Variants in ANK2 observed in about 807,000 individuals in gnomAD.
ANK2 encodes ankyrin 2, also known as ankyrin-2.
Under a neutral mutation model 360.5 loss-of-function variants are expected in ANK2, and 83 were observed. That is an observed-to-expected ratio of 0.23 (90% CI 0.19 to 0.28). The LOEUF is 0.28. Among genes scored for constraint, ANK2 ranks in the 10% least tolerant of loss-of-function variants. The pLI, the probability that ANK2 is intolerant of heterozygous loss-of-function variation, is 1.00. For missense variants in ANK2, 4,201 were observed against 4,795.7 expected (o/e 0.88, Z 3.66); for synonymous variants, 1,740 against 1,759.5 (o/e 0.99, Z 0.28).
intron 1 of ANK2, among the ~76,000 whole-genome samples, chr4:112,865,242 CTT>C (rs2070041003): frequency 6.6e-6 from 1 of 151,924 alleles, no homozygotes; most frequent in Admixed American, 6.6e-5. Flanking sequence ...AGTCATGAAA[CTT>C]AATGTCGGCA....
chr4:112,803,407 A>G, the ANK2 span, among the ~76,000 whole-genome samples: 1 of 152,298 alleles, frequency 6.6e-6, no homozygotes, highest in South Asian at 2.1e-4. Context: ...GTTTGACACA[A>G]GCACAGAAGA....
chr4:113,237,602 A>G lies in ANK2; in HGVS notation c.673A>G (p.Met225Val). The G allele has an allele frequency of 6.2e-6, 10 of 1,609,540 alleles. No homozygotes were observed. The highest frequency in any genetic ancestry group is 7.7e-6 in the Non-Finnish European group (9 of 1,175,902). ...DHNADVQSKM[M>V]VNRTTESGFT... ...CTTCCAAACAACACTGCTTCAGATG[A>G]TGGTGAATAGGACAACTGAGGTACA... Residue 225 changes from methionine to valine, a missense_variant, in exon 7 of 46, where the codon ATG becomes GTG. Around this residue, in one of 4 missense-constraint regions of ANK2, gnomAD observed 122 missense variants for 239.3 expected, o/e 0.51. Transcript: ENST00000357077.
upstream of ANK2, among the ~76,000 whole-genome samples, chr4:112,815,305 A>C (rs557615452): frequency 4.6e-5 from 7 of 152,348 alleles, no homozygotes; most frequent in South Asian, 1.4e-3. Context: ...ATCGAATATC[A>C]TGCACTTTGG....
chr4:113,349,543 A>G (rs1426212438), intron 36 of ANK2, among the ~76,000 whole-genome samples: 1 of 152,088 alleles, frequency 6.6e-6, no homozygotes, highest in Admixed American at 6.6e-5. Context: ...GTCCTGCCGC[A>G]CATAGCCATA....
intron 2 of ANK2, among the ~76,000 whole-genome samples, chr4:113,026,776 TAGTC>T (rs1209158541): frequency 3.9e-5 from 6 of 152,168 alleles, no homozygotes; most frequent in African/African-American, 1.2e-4. Context: ...TTATTCATAA[TAGTC>T]AGCTCTGCTG....
chr4:113,275,908 C>T (rs29394), intron 15 of ANK2, among the ~76,000 whole-genome samples: 16,533 of 146,138 alleles, frequency 0.11, 1,563 homozygotes, highest in African/African-American at 0.26. Context: ...TAAATTAGGG[C>T]GATAAAATAG....
chr4:113,018,992 C>A (rs1017948210), intron 2 of ANK2, among the ~76,000 whole-genome samples: 2 of 152,038 alleles, frequency 1.3e-5, no homozygotes, highest in South Asian at 2.1e-4. Context: ...CCCAAATTAA[C>A]CATTTGAGGA....
At chr4:113,228,610 C>T (rs1488240088) in intron 4 of ANK2, among the ~76,000 whole-genome samples, 3 of 152,072 alleles carry the variant, frequency 2.0e-5, no homozygotes, top group African/African-American at 7.2e-5. Context: ...GGGGTGGTTC[C>T]ATATTTTTGC....
At chr4:113,378,078 T>G (rs1411486824) in intron 45 of ANK2, 2 of 1,220,418 alleles carry the variant, frequency 1.6e-6, no homozygotes, top group Non-Finnish European at 2.2e-6. Flanking sequence ...TTTTCTTTTC[T>G]TCTTACTTCA....
intron 2 of ANK2, among the ~76,000 whole-genome samples, chr4:113,001,721 C>G (rs2050756008): frequency 6.6e-6 from 1 of 152,140 alleles, no homozygotes; most frequent in South Asian, 2.1e-4. Context: ...TTCTATATGA[C>G]AGTTAGGAGT....
At chr4:113,350,450 G>A (rs2095337999) in intron 37 of ANK2, 2 of 489,388 alleles carry the variant, frequency 4.1e-6, no homozygotes, top group Non-Finnish European at 7.3e-6. Context: ...CTAATTAGCA[G>A]TAAAATGCAA....
rs545994657 is a variant in ANK2, at chr4:112,958,783, A to G, written c.21+54269A>G. On this transcript the variant is annotated intron_variant, in intron 2 of 30. Transcript: ENST00000503271. Reference sequence around the variant, plus strand: ...ACCAAATGTTTATTCCTTCTCAATGATAATGATTGTCTTTTGAAATTTGAA... The same window carrying G: ...ACCAAATGTTTATTCCTTCTCAATGGTAATGATTGTCTTTTGAAATTTGAA... Among the ~76,000 whole-genome samples, 6 of 152,278 alleles carry G rather than the reference A, an allele frequency of 3.9e-5. No homozygotes were observed. In the East Asian group the frequency reaches 9.6e-4, roughly 24 times the overall value.
the ANK2 span, among the ~76,000 whole-genome samples, chr4:112,742,780 A>G: frequency 1.3e-5 from 2 of 151,378 alleles, no homozygotes; most frequent in Admixed American, 6.6e-5. Context: ...GCTGGAGTAC[A>G]GTGGCATGAT....
intron 1 of ANK2, among the ~76,000 whole-genome samples, chr4:112,852,938 A>G (rs1445949779): frequency 6.6e-6 from 1 of 152,188 alleles, no homozygotes; most frequent in African/African-American, 2.4e-5. Context: ...CACTTTGTGG[A>G]CCTTCCTTGT....
intron 1 of ANK2, among the ~76,000 whole-genome samples, chr4:112,883,260 A>G (rs1400324404): frequency 6.6e-6 from 1 of 151,720 alleles, no homozygotes; most frequent in Admixed American, 6.6e-5. Context: ...GCTGGTCTCG[A>G]ACGCCTGACC....
intron 1 of ANK2, among the ~76,000 whole-genome samples, chr4:112,843,931 C>T (rs77679091): frequency 0.018 from 2,675 of 152,170 alleles, 86 homozygotes; most frequent in African/African-American, 0.059. Flanking sequence ...AATTGACTCT[C>T]AAAACCTAAT....
At position 113,382,615 on chromosome 4, in the gene ANK2, T is replaced by C. The variant is rs1480285832; in HGVS notation, c.*1144T>C. 1 of 152,586 alleles carries C rather than the reference T, an allele frequency of 6.6e-6. No homozygotes were observed. The highest frequency in any genetic ancestry group is 1.5e-5 in the Non-Finnish European group (1 of 68,022). The allele number at this position is 152,586 out of a possible 1,614,324, so 9.5% of individuals were successfully genotyped here. On this transcript the variant is annotated 3_prime_UTR_variant, in exon 46 of 46. Transcript: ENST00000357077. ...AAAAGGTTAAACTCCTTCAGTATGT[T>C]GGAGTGGTTTCTTTTTTTTTTTCTT... is the stretch of plus-strand genomic sequence containing the variant.
At chr4:112,918,943 G>A (rs2090714534) in intron 2 of ANK2, among the ~76,000 whole-genome samples, 1 of 152,008 alleles carries the variant, frequency 6.6e-6, no homozygotes, top group African/African-American at 2.4e-5. Context: ...AATCAGGGGT[G>A]GTAATATGCT....
In ANK2 at chr4:113,312,138, A is replaced by G. The variant is rs2153821228; in HGVS notation, c.2693+739A>G. Reference sequence around the variant, plus strand: ...ATGACTGATAAGTTGGGCCATGAATATGGATGTCATAGCTGGGTGCAGTGG... The same window carrying G: ...ATGACTGATAAGTTGGGCCATGAATGTGGATGTCATAGCTGGGTGCAGTGG... On this transcript the variant is annotated intron_variant, in intron 24 of 45. Coordinates refer to ENST00000357077, the MANE Select transcript of ANK2 (RefSeq NM_001148.6). 2.0e-5 allele frequency among the ~76,000 whole-genome samples: 3 copies of G among 150,164 alleles called. No individual in the cohort carries two copies. In the South Asian group the frequency reaches 6.2e-4, roughly 31 times the overall value.
Sources: gnomAD v4.1 joint callset for allele counts (sites outside exome capture counted in the v4.1 genomes callset) on GRCh38, gnomAD v4.1.1 for gene constraint, gnomAD v4.1.1 regional missense constraint, MANE v1.5 for transcripts, NCBI Gene and HGNC (gene_info 2026-07-23, HGNC 2026-07-21) for gene names.